The following ARVCF variants were observed in gnomAD, a reference collection of about 807,000 sequenced individuals.
The protein encoded by ARVCF is ARVCF delta catenin family member, also known as splicing regulator ARVCF.
Under a neutral mutation model 90.9 loss-of-function variants are expected in ARVCF, and 66 were observed. That is an observed-to-expected ratio of 0.73 (90% CI 0.60 to 0.89). The LOEUF is 0.89. ARVCF is among the 40% of genes least tolerant of loss of function. ARVCF has a pLI of 0.00. For synonymous variants in ARVCF, 653 were observed against 603.4 expected (o/e 1.08, Z -1.21); for missense variants, 1,469 against 1,382.3 (o/e 1.06, Z -1.00).
At chr22:20,007,970 T>C (rs1944692575) in intron 2 of ARVCF, among the ~76,000 whole-genome samples, 1 of 151,228 alleles carries the variant, frequency 6.6e-6, no homozygotes, top group Non-Finnish European at 1.5e-5. Context: ...TCTGGCTGCA[T>C]GCTAGGGAGA....
intron 19 of ARVCF, 106 bp downstream of exon 19, chr22:19,971,110 G>T: frequency 5.2e-6 from 8 of 1,531,620 alleles, no homozygotes; most frequent in Non-Finnish European, 6.2e-6. Flanking sequence ...AAAGTCCTGC[G>T]GGGAACGTGC....
intron 3 of ARVCF, among the ~76,000 whole-genome samples, chr22:19,984,986 G>A (rs1943688721): frequency 6.6e-6 from 1 of 152,160 alleles, no homozygotes; most frequent in African/African-American, 2.4e-5. Flanking sequence ...CTCAACAGGA[G>A]TTGGCTGCAG....
chr22:19,970,574 G>T lies in ARVCF; in HGVS notation c.*182C>A, dbSNP rs1338741150. On this transcript the variant is annotated 3_prime_UTR_variant, in exon 20 of 20. Coordinates refer to ENST00000263207, the MANE Select transcript of ARVCF (RefSeq NM_001670.3). ...TCAGGCCTAGGGAGTTAGGTAGGAT[G>T]GGGGGAGTGGGGTGGGGGGGCAGGA... The T allele has an allele frequency of 1.6e-6, 2 of 1,228,074 alleles. No individual in the cohort carries two copies. The highest frequency in any genetic ancestry group is 2.1e-6 in the Non-Finnish European group (2 of 960,420). The allele number at this position is 1,228,074 out of a possible 1,614,324, so 76.1% of individuals were successfully genotyped here. A position where few individuals can be genotyped will look rare whatever the true frequency, so the allele number is the denominator to read the frequency against.
chr22:19,987,033 A>ACCCCGGGCCAGGGTCC, intron 3 of ARVCF: 1 of 647,634 alleles, frequency 1.5e-6, no homozygotes, highest in Non-Finnish European at 2.8e-6. Flanking sequence ...TCTGCCTCCG[A>ACCCCGGGCCAGGGTCC]CCCCGGGCCA....
chr22:19,995,352 G>A (rs934111601), intron 2 of ARVCF, among the ~76,000 whole-genome samples: 7 of 151,508 alleles, frequency 4.6e-5, no homozygotes, highest in Non-Finnish European at 4.4e-5. Context: ...AGGAGTGGAT[G>A]AAGGAGAAAA....
At position 19,970,246 on chromosome 22, in the gene ARVCF, G is replaced by A; in HGVS notation, c.*510C>T. Reference sequence around the variant, plus strand: ...GCTTCCTTGCCCAGGGCTGGGCCTTGTGGGGCACCCCCCACACCGTGGTCT... The same window carrying A: ...GCTTCCTTGCCCAGGGCTGGGCCTTATGGGGCACCCCCCACACCGTGGTCT... On this transcript the variant is annotated 3_prime_UTR_variant, in exon 20 of 20. Transcript: ENST00000263207. The A allele has an allele frequency of 6.1e-6, 6 of 989,654 alleles. No individual in the cohort carries two copies. The highest frequency in any genetic ancestry group is 7.2e-6 in the Non-Finnish European group (6 of 832,202). The allele number at this position is 989,654 out of a possible 1,614,324, so 61.3% of individuals were successfully genotyped here.
At chr22:19,969,059 A>G, downstream of ARVCF, 1 of 255,314 alleles carries the variant, frequency 3.9e-6, no homozygotes, top group Non-Finnish European at 7.8e-6. Context: ...CTCAACTGCC[A>G]TTCCCCTGCT....
At chr22:20,007,396 C>T (rs747250987) in intron 2 of ARVCF, among the ~76,000 whole-genome samples, 2 of 152,160 alleles carry the variant, frequency 1.3e-5, no homozygotes, top group Non-Finnish European at 2.9e-5. Flanking sequence ...AGCGAGACTC[C>T]GTCTCAAAAC....
intron 2 of ARVCF, among the ~76,000 whole-genome samples, chr22:20,007,822 G>A (rs1031613510): frequency 4.6e-5 from 7 of 152,192 alleles, no homozygotes; most frequent in African/African-American, 1.7e-4. Flanking sequence ...TTAGAAATAA[G>A]TCTTTGTTTT....
chr22:19,990,637 C>A lies in ARVCF; in HGVS notation c.158G>T (p.Gly53Val). ...TGGCAGGGGCTGCCCACTGCCCATG[C>A]CACCACTGACCATGCCAGGCTGCTG... The part of the protein sequence containing the change: ...RAQQPGMVSG[G>V]MGSGQPLPMA... Residue 53 changes from glycine to valine, a missense_variant, in exon 3 of 20, where the codon GGC becomes GTC. Gly to Val is a moderately radical substitution (Grantham distance 109). Coordinates refer to ENST00000263207, the MANE Select transcript of ARVCF (RefSeq NM_001670.3). 6.2e-7 allele frequency: 1 copy of A among 1,609,484 alleles called. No homozygotes were observed. The highest frequency in any genetic ancestry group is 8.5e-7 in the Non-Finnish European group (1 of 1,178,698).
intron 2 of ARVCF, among the ~76,000 whole-genome samples, chr22:19,995,211 G>C (rs1349726520): frequency 6.6e-6 from 1 of 151,860 alleles, no homozygotes; most frequent in African/African-American, 2.4e-5. Context: ...GGAGATGAGA[G>C]GATGGGTGAA....
At chr22:19,977,308 C>T in intron 9 of ARVCF, 107 bp downstream of exon 9, 2 of 1,380,798 alleles carry the variant, frequency 1.4e-6, no homozygotes, top group Non-Finnish European at 1.9e-6. Context: ...GGGGGCTGAC[C>T]AGGTGTCCTC....
chr22:19,970,037 C>A lies in ARVCF; in HGVS notation c.*719G>T. ...ACGAACAGCAGGCACTGAAAGCAGT[C>A]CCCCAGCCACTGCCGAAGGTCAGTC... On this transcript the variant is annotated 3_prime_UTR_variant, in exon 20 of 20. Transcript: ENST00000263207. 1.0e-6 allele frequency: 1 copy of A among 985,624 alleles called. No individual in the cohort carries two copies. 61.1% of individuals were successfully genotyped at this position (985,624 alleles called of 1,614,324 possible).
chr22:19,966,448 A>AG (rs1569135823), downstream of ARVCF, among the ~76,000 whole-genome samples: 1 of 151,298 alleles, frequency 6.6e-6, no homozygotes, highest in African/African-American at 2.4e-5. Context: ...AAAAAAAAAA[A>AG]AAAAAAAGAA....
chr22:19,975,862 CCCATGT>C, intron 10 of ARVCF, 105 bp from the exon 11 acceptor site: 2 of 1,211,850 alleles, frequency 1.7e-6, no homozygotes, highest in Non-Finnish European at 2.4e-6. Context: ...AAAAGGCACC[CCCATGT>C]CCAGGCCTGG....
chr22:19,981,486 C>A lies in ARVCF; in HGVS notation c.621G>T (p.Gly207=). ...CAGCACGTGGGGGCCGCATGCCCAG[C>A]CCTCGGGACAGGCTGCCATAGCTGG... ...DSPSYGSLSR[G]LGMRPPRAGP... Residue 207 remains glycine (G), a synonymous_variant, in exon 5 of 20, where the codon GGG becomes GGT. Transcript: ENST00000263207. The A allele has an allele frequency of 6.5e-7, 1 of 1,548,566 alleles. No homozygotes were observed. The highest frequency in any genetic ancestry group is 8.7e-7 in the Non-Finnish European group (1 of 1,149,178).
At chr22:19,976,525 A>AGG (rs1292266602) in intron 10 of ARVCF, among the ~76,000 whole-genome samples, 181 bp downstream of exon 10, 2 of 152,172 alleles carry the variant, frequency 1.3e-5, no homozygotes, top group Non-Finnish European at 2.9e-5. Context: ...CTGCCCAGGT[A>AGG]GGCAAGTCTG....
downstream of ARVCF, chr22:19,968,535 G>A (rs754435205): frequency 1.9e-6 from 3 of 1,613,796 alleles, no homozygotes; most frequent in Admixed American, 1.7e-5. Flanking sequence ...TCTGTTTGCA[G>A]GAATGTGGCC....
At position 19,976,875 on chromosome 22, in the gene ARVCF, C is replaced by T. The variant is rs1296522314; in HGVS notation, c.1871-152G>A. ...GGAACCTCATCCCATCACTTCTGGGCACTGAGCACCCACCAGGGGTACAAG... is the reference window on the plus strand; with the variant it reads ...GGAACCTCATCCCATCACTTCTGGGTACTGAGCACCCACCAGGGGTACAAG... On this transcript the variant is annotated intron_variant, in intron 9 of 19. Coordinates refer to ENST00000263207, the MANE Select transcript of ARVCF (RefSeq NM_001670.3). 8.7e-6 allele frequency: 8 copies of T among 914,868 alleles called. No homozygotes were observed. The South Asian group carries it at 9.7e-5, about 11-fold the overall frequency. The allele number at this position is 914,868 out of a possible 1,614,324, so 56.7% of individuals were successfully genotyped here.
Sources: gnomAD v4.1 joint callset for allele counts (sites outside exome capture counted in the v4.1 genomes callset) on GRCh38, gnomAD v4.1.1 for gene constraint, MANE v1.5 for transcripts, NCBI Gene and HGNC (gene_info 2026-07-23, HGNC 2026-07-21) for gene names.